ASIC2: variants seen among roughly 807,000 people sequenced by gnomAD.
ASIC2 encodes the protein acid-sensing ion channel 2.
In ASIC2, 25 loss-of-function variants were observed where a neutral mutation model predicts 57.3. The ratio of observed to expected loss-of-function variants is 0.44; its 90% CI spans 0.32 to 0.61. ASIC2 has a LOEUF of 0.61. ASIC2 is among the 20% of genes least tolerant of loss of function. The pLI, the probability that ASIC2 is intolerant of heterozygous loss-of-function variation, is 0.06. For missense variants in ASIC2, 641 were observed against 738.1 expected (o/e 0.87, Z 1.52); for synonymous variants, 319 against 307.5 (o/e 1.04, Z -0.39).
intron 3 of ASIC2, among the ~76,000 whole-genome samples, chr17:33,053,332 A>G (rs1313208974): frequency 6.6e-6 from 1 of 152,230 alleles, no homozygotes; most frequent in Non-Finnish European, 1.5e-5. Flanking sequence ...AATTTAGCTT[A>G]TAACTTGAAG....
At chr17:33,151,849 G>A in intron 1 of ASIC2, among the ~76,000 whole-genome samples, 1 of 152,186 alleles carries the variant, frequency 6.6e-6, no homozygotes, top group East Asian at 1.9e-4. Context: ...TAATTACCAG[G>A]TATTCTGTTA....
intron 2 of ASIC2, among the ~76,000 whole-genome samples, chr17:33,102,513 T>A (rs1315465012): frequency 4.6e-5 from 7 of 152,202 alleles, no homozygotes; most frequent in Non-Finnish European, 7.3e-5. Flanking sequence ...ATCTGGACAA[T>A]CATGTAGTTC....
At chr17:33,394,418 G>C (rs1216191285) in intron 1 of ASIC2, among the ~76,000 whole-genome samples, 1 of 152,178 alleles carries the variant, frequency 6.6e-6, no homozygotes, top group Non-Finnish European at 1.5e-5. Context: ...CAGAGTTTCA[G>C]ATTCAAATTA....
intron 1 of ASIC2, among the ~76,000 whole-genome samples, chr17:34,022,640 A>C (rs906224193): frequency 2.0e-5 from 3 of 148,270 alleles, no homozygotes; most frequent in African/African-American, 5.1e-5. Context: ...AAAAAAAAAA[A>C]CAAAAAAAAA....
rs371387575 is a variant in ASIC2, at chr17:33,988,442, C to T, written c.555+167536G>A. On this transcript the variant is annotated intron_variant, in intron 1 of 9. Coordinates refer to the ASIC2 transcript ENST00000359872. ...CTGCTGCCATCCATGTAAGATGTGA[C>T]TTGCTCCTCCTTGCCTTCCGCCATG... Among the ~76,000 whole-genome samples, 57 of 152,334 alleles carry T rather than the reference C, an allele frequency of 3.7e-4. 2 individuals carry two copies. The South Asian group carries it at 0.011, about 30-fold the overall frequency.
chr17:33,387,156 G>T (rs117908634), intron 1 of ASIC2, among the ~76,000 whole-genome samples: 4,052 of 152,194 alleles, frequency 0.027, 83 homozygotes, highest in Non-Finnish European at 0.043. Flanking sequence ...CCAAAGTGCT[G>T]GAATTACAGG....
intron 1 of ASIC2, among the ~76,000 whole-genome samples, chr17:33,746,717 T>A (rs373633929): frequency 6.6e-6 from 1 of 152,102 alleles, no homozygotes; most frequent in South Asian, 2.1e-4. Context: ...ACACTATACA[T>A]AAATCAGTCC....
intron 3 of ASIC2, among the ~76,000 whole-genome samples, chr17:33,045,172 C>T (rs914324021): frequency 1.5e-4 from 23 of 152,250 alleles, no homozygotes; most frequent in African/African-American, 5.1e-4. Context: ...CCTACCCACG[C>T]ACTAGTAGGT....
chr17:33,231,464 G>T (rs1025333459), intron 1 of ASIC2, among the ~76,000 whole-genome samples: 6 of 152,122 alleles, frequency 3.9e-5, no homozygotes, highest in Non-Finnish European at 8.8e-5. Context: ...TGAAGCATGG[G>T]GTCTGGGTCC....
chr17:33,489,786 T>A (rs1382563964), intron 1 of ASIC2, among the ~76,000 whole-genome samples: 1 of 152,168 alleles, frequency 6.6e-6, no homozygotes, highest in Non-Finnish European at 1.5e-5. Flanking sequence ...CACCAAGCAT[T>A]CACTGAGAAT....
chr17:33,059,212 G>C (rs1041435862), intron 3 of ASIC2, among the ~76,000 whole-genome samples: 1 of 152,078 alleles, frequency 6.6e-6, no homozygotes, highest in South Asian at 2.1e-4. Context: ...ACAACGTGCA[G>C]GTTTGTTACA....
intron 1 of ASIC2, among the ~76,000 whole-genome samples, chr17:33,818,783 C>T (rs1912663759): frequency 6.6e-6 from 1 of 152,258 alleles, no homozygotes; most frequent in African/African-American, 2.4e-5. Flanking sequence ...TTGATTCCTG[C>T]TTTTCCTTCC....
chr17:33,433,474 G>A (rs1001682311), intron 1 of ASIC2, among the ~76,000 whole-genome samples: 1 of 152,178 alleles, frequency 6.6e-6, no homozygotes, highest in African/African-American at 2.4e-5. Flanking sequence ...CTTGATGACC[G>A]GCCAGGCACA....
At chr17:34,060,853 T>C (rs1251797416) in intron 1 of ASIC2, among the ~76,000 whole-genome samples, 2 of 152,010 alleles carry the variant, frequency 1.3e-5, no homozygotes, top group African/African-American at 4.8e-5. Context: ...GGGATTATGT[T>C]AAATGACCAA....
chr17:33,902,287 A>T (rs1915246143), intron 1 of ASIC2, among the ~76,000 whole-genome samples: 1 of 152,192 alleles, frequency 6.6e-6, no homozygotes, highest in South Asian at 2.1e-4. Flanking sequence ...CCCTTGAACT[A>T]CCCAGAGTTG....
rs80350220 is a variant in ASIC2 at position 33,239,806 on chromosome 17, C to G, written c.708+51602G>C. On this transcript the variant is annotated intron_variant, in intron 1 of 9. Coordinates refer to ENST00000225823, the MANE Select transcript of ASIC2 (RefSeq NM_183377.2). The stretch of plus-strand genomic sequence containing the variant: ...ATTCAGTGTCTACTTACAGTCAGCA[C>G]TGTGCTTGCTCCCTCCATAAGTTTT... Among the ~76,000 whole-genome samples, 1,310 of 152,298 alleles carry G rather than the reference C, an allele frequency of 8.6e-3. 35 individuals carry two copies. In the East Asian group the frequency reaches 0.1, roughly 12 times the overall value.
intron 1 of ASIC2, among the ~76,000 whole-genome samples, chr17:34,056,546 A>C (rs986403207): frequency 6.6e-6 from 1 of 152,188 alleles, no homozygotes; most frequent in African/African-American, 2.4e-5. Flanking sequence ...AGTACAATGG[A>C]AACAACTCAG....
intron 1 of ASIC2, among the ~76,000 whole-genome samples, chr17:33,419,409 G>C (rs1189262035): frequency 6.6e-6 from 1 of 152,214 alleles, no homozygotes; most frequent in Non-Finnish European, 1.5e-5. Context: ...GCGGCACAAA[G>C]CTTGTCAGTT....
intron 1 of ASIC2, among the ~76,000 whole-genome samples, chr17:33,336,380 AT>A (rs11415074): frequency 5.3e-4 from 80 of 151,352 alleles, no homozygotes; most frequent in East Asian, 1.4e-3. Context: ...TTCTTAACAG[AT>A]TTTTTTTTAA....
Sources: gnomAD v4.1 joint callset for allele counts (sites outside exome capture counted in the v4.1 genomes callset) on GRCh38, gnomAD v4.1.1 for gene constraint, MANE v1.5 for transcripts, NCBI Gene and HGNC (gene_info 2026-07-23, HGNC 2026-07-21) for gene names.